The following WDR49 variants were observed in gnomAD, a reference collection of about 807,000 sequenced individuals.
WDR49 encodes WD repeat domain 49.
In WDR49, 107 loss-of-function variants were observed where a neutral mutation model predicts 119.5. That is an observed-to-expected ratio of 0.90 (90% CI 0.77 to 1.05). The LOEUF (loss-of-function observed/expected upper bound fraction) is 1.05, where lower values mean the gene tolerates loss of function less well. Among genes scored for constraint, WDR49 ranks in the 50% least tolerant of loss-of-function variants. The pLI is 0.00. For missense variants in WDR49, 1,240 were observed against 1,220.5 expected (o/e 1.02, Z -0.24); for synonymous variants, 425 against 418.8 (o/e 1.01, Z -0.18).
At chr3:167,501,604 A>G (rs1751571412) in intron 17 of WDR49, among the ~76,000 whole-genome samples, 1 of 152,224 alleles carries the variant, frequency 6.6e-6, no homozygotes, top group Non-Finnish European at 1.5e-5. Flanking sequence ...CTGCTCTATG[A>G]AAGTGTGACA....
chr3:167,586,707 G>C (rs1714833427), intron 7 of WDR49, among the ~76,000 whole-genome samples: 1 of 152,198 alleles, frequency 6.6e-6, no homozygotes, highest in Non-Finnish European at 1.5e-5. Context: ...CGTAAAGACT[G>C]AGATCACGAT....
chr3:167,655,854 C>T (rs552020289), upstream of WDR49, among the ~76,000 whole-genome samples: 17 of 152,228 alleles, frequency 1.1e-4, no homozygotes, highest in African/African-American at 1.4e-4. Context: ...GCCAAGATCA[C>T]GCCACTGCCC....
Position 167,621,661 on chromosome 3 carries a change from A to G in WDR49, c.607-18T>C. The G allele has an allele frequency of 3.3e-6, 5 of 1,513,168 alleles. 1 individual carries two copies. In the South Asian group the frequency reaches 6.2e-5, roughly 19 times the overall value. The allele number at this position is 1,513,168 out of a possible 1,614,324, so 93.7% of individuals were successfully genotyped here. On this transcript the variant is annotated intron_variant, in intron 3 of 18. Coordinates refer to ENST00000682715, the MANE Select transcript of WDR49 (RefSeq NM_001366157.1). Reference sequence around the variant, plus strand: ...ACTGCTATCTAAAGTAGCAGAGTAGAAAATCAGAAAGTAATTCTGATGGAT... The same window carrying G: ...ACTGCTATCTAAAGTAGCAGAGTAGGAAATCAGAAAGTAATTCTGATGGAT...
At chr3:167,636,496 T>C (rs1013529299) in intron 2 of WDR49, among the ~76,000 whole-genome samples, 1 of 151,816 alleles carries the variant, frequency 6.6e-6, no homozygotes, top group African/African-American at 2.4e-5. Context: ...TCTTTTCCTC[T>C]GGGTAGATAT....
chr3:167,635,376 CTAAAG>C (rs1717563191), intron 2 of WDR49, among the ~76,000 whole-genome samples: 1 of 151,670 alleles, frequency 6.6e-6, no homozygotes, highest in African/African-American at 2.4e-5. Context: ...CGATTGGTTG[CTAAAG>C]TATAGTTCTA....
At chr3:167,604,133 C>T (rs1035464761) in intron 6 of WDR49, among the ~76,000 whole-genome samples, 168 bp downstream of exon 6, 2 of 152,124 alleles carry the variant, frequency 1.3e-5, no homozygotes, top group Non-Finnish European at 2.9e-5. Context: ...ATACACACTG[C>T]ACATCATAAT....
chr3:167,505,303 T>C lies in WDR49; in HGVS notation c.2884+4A>G, dbSNP rs1389652972. On this transcript the variant is annotated splice_donor_region_variant and intron_variant, in intron 17 of 18. Transcript: ENST00000682715. ...AAAATACATTAACAACAGTGACTAC[T>C]TACTGAATGATTTTTTTATAACTTC... The C allele has an allele frequency of 4.7e-6, 7 of 1,498,852 alleles. No homozygotes were observed. The highest frequency in any genetic ancestry group is 1.4e-5 in the South Asian group (1 of 70,530). 92.8% of individuals were successfully genotyped at this position (1,498,852 alleles called of 1,614,324 possible). A position where few individuals can be genotyped will look rare whatever the true frequency, so the allele number is the denominator to read the frequency against.
intron 18 of WDR49, among the ~76,000 whole-genome samples, chr3:167,486,370 G>C (rs999470967): frequency 2.6e-5 from 4 of 151,972 alleles, no homozygotes; most frequent in African/African-American, 9.7e-5. Flanking sequence ...AACCAGCTAA[G>C]AACATAATGA....
rs531951168 is a variant in WDR49, at chr3:167,489,525, C to A, written c.3032-10529G>T. 6.0e-4 allele frequency among the ~76,000 whole-genome samples: 91 copies of A among 152,140 alleles called. No individual in the cohort carries two copies. In the Middle Eastern group the frequency reaches 0.01, roughly 17 times the overall value. ...CATCACTTCACTTTATAGTTGGCTG[C>A]CTGACAAGGTTTATTATAATGATAG... is the stretch of plus-strand genomic sequence containing the variant. On this transcript the variant is annotated intron_variant, in intron 18 of 18. Coordinates refer to ENST00000682715, the MANE Select transcript of WDR49 (RefSeq NM_001366157.1).
intron 7 of WDR49, among the ~76,000 whole-genome samples, chr3:167,590,692 G>C (rs1453535459): frequency 1.3e-5 from 2 of 152,068 alleles, no homozygotes; most frequent in Admixed American, 6.6e-5. Flanking sequence ...TTAACATATA[G>C]TGGCTCATAG....
intron 18 of WDR49, 81 bp from the exon 19 acceptor site, chr3:167,479,077 T>C (rs1197198699): frequency 1.8e-6 from 2 of 1,113,982 alleles, no homozygotes; most frequent in East Asian, 2.7e-5. Flanking sequence ...GAGAAAATTC[T>C]CAAATTTTGC....
At chr3:167,657,601 C>A (rs1212502832), upstream of WDR49, among the ~76,000 whole-genome samples, 1 of 150,596 alleles carries the variant, frequency 6.6e-6, no homozygotes, top group African/African-American at 2.4e-5. Context: ...ACTCCTCTTT[C>A]TTTCTTTGCC....
rs745923479 is a variant in WDR49 at position 167,522,282 on chromosome 3, G to T, written c.2774+33C>A. ...TTATCTATGTCTTATCTAGACTTCA[G>T]TTGACATCTGGCTAATGTTCAAAAT... On this transcript the variant is annotated intron_variant, in intron 16 of 18. Coordinates refer to ENST00000682715, the MANE Select transcript of WDR49 (RefSeq NM_001366157.1). 5.8e-6 allele frequency: 9 copies of T among 1,540,482 alleles called. No individual in the cohort carries two copies. The African/African-American group carries it at 1.3e-4, about 22-fold the overall frequency.
At chr3:167,568,518 G>T (rs1713743620) in intron 8 of WDR49, among the ~76,000 whole-genome samples, 1 of 152,098 alleles carries the variant, frequency 6.6e-6, no homozygotes, top group Non-Finnish European at 1.5e-5. Context: ...TACGGCAGTG[G>T]TTTCATTAAT....
At chr3:167,550,052 T>C (rs773476997) in intron 10 of WDR49, among the ~76,000 whole-genome samples, 11 of 152,010 alleles carry the variant, frequency 7.2e-5, no homozygotes, top group Non-Finnish European at 1.3e-4. Context: ...CATTGGTCTA[T>C]ATCTCTGTTT....
chr3:167,625,098 G>A (rs1334146618), intron 3 of WDR49, among the ~76,000 whole-genome samples: 5 of 152,052 alleles, frequency 3.3e-5, no homozygotes, highest in African/African-American at 1.2e-4. Context: ...CTGAGGATGA[G>A]AATGATCTAT....
At chr3:167,554,953 C>G (rs1417049476) in intron 9 of WDR49, among the ~76,000 whole-genome samples, 155 bp from the exon 10 acceptor site, 2 of 152,112 alleles carry the variant, frequency 1.3e-5, no homozygotes, top group Admixed American at 1.3e-4. Context: ...TGTGAAATAT[C>G]TAGTTGGTCT....
intron 10 of WDR49, among the ~76,000 whole-genome samples, chr3:167,547,341 G>A (rs1445024789): frequency 6.6e-6 from 1 of 151,650 alleles, no homozygotes; most frequent in Non-Finnish European, 1.5e-5. Flanking sequence ...CTCTATGAAG[G>A]ATGCTAATAT....
intron 2 of WDR49, among the ~76,000 whole-genome samples, chr3:167,652,567 A>G (rs1190931890): frequency 6.6e-6 from 1 of 152,220 alleles, no homozygotes; most frequent in African/African-American, 2.4e-5. Flanking sequence ...ACTTTGATGT[A>G]TGCTGTTCAT....
Sources: gnomAD v4.1 joint callset for allele counts (sites outside exome capture counted in the v4.1 genomes callset) on GRCh38, gnomAD v4.1.1 for gene constraint, MANE v1.5 for transcripts, NCBI Gene and HGNC (gene_info 2026-07-23, HGNC 2026-07-21) for gene names.